The following NEB variants were observed in gnomAD, a reference collection of about 807,000 sequenced individuals.
The protein encoded by NEB is nemaline myopathy type 2.
A neutral mutation model predicts 952.2 loss-of-function variants in NEB; 512 were observed. The observed-to-expected ratio is 0.54, with a 90% confidence interval of 0.50 to 0.58. The LOEUF (loss-of-function observed/expected upper bound fraction) is 0.58. Among genes scored for constraint, NEB ranks in the 20% least tolerant of loss-of-function variants. NEB has a pLI of 0.00. For missense variants in NEB, 8,428 were observed against 9,231.1 expected (o/e 0.91, Z 3.56); for synonymous variants, 2,900 against 3,149.8 (o/e 0.92, Z 2.66).
In NEB at chr2:151,731,091, T is replaced by C. The variant is rs182079003; in HGVS notation, c.37-1435A>G. Reference sequence around the variant, plus strand: ...AAAACATCAGTGGCTTCAGAAGAAATATTAAAATAAAATGGAAGATTCACA... The same window carrying C: ...AAAACATCAGTGGCTTCAGAAGAAACATTAAAATAAAATGGAAGATTCACA... On this transcript the variant is annotated intron_variant, in intron 3 of 181. Transcript: ENST00000397345. 1.4e-3 allele frequency among the ~76,000 whole-genome samples: 211 copies of C among 152,282 alleles called. 1 individual carries two copies. The highest frequency in any genetic ancestry group is 5.0e-3 in the African/African-American group (208 of 41,564).
At chr2:151,630,351 C>G (rs1178673404) in intron 67 of NEB, among the ~76,000 whole-genome samples, 3 of 152,178 alleles carry the variant, frequency 2.0e-5, no homozygotes. Context: ...TTTACTCTCT[C>G]TGCCCTGGAA....
intron 63 of NEB, among the ~76,000 whole-genome samples, chr2:151,636,553 G>C (rs1277058744): frequency 2.0e-5 from 3 of 152,160 alleles, no homozygotes; most frequent in African/African-American, 7.2e-5. Context: ...GCAGAGGCGG[G>C]TGGATCACCT....
intron 46 of NEB, among the ~76,000 whole-genome samples, chr2:151,659,695 G>C (rs2099125461): frequency 6.6e-6 from 1 of 152,156 alleles, no homozygotes; most frequent in Non-Finnish European, 1.5e-5. Flanking sequence ...TTATCTTACA[G>C]CATGAAGGTA....
rs567012454 is a variant in NEB, at chr2:151,730,915, G to A, written c.37-1259C>T. ...TAAAATCTAATTCTGCCTGTATGTC[G>A]TTACACATAGCAACAAAAATCACAA... is the stretch of plus-strand genomic sequence containing the variant. On this transcript the variant is annotated intron_variant, in intron 3 of 181. Coordinates refer to ENST00000397345, the MANE Select transcript of NEB (RefSeq NM_001164508.2). 9.2e-5 allele frequency among the ~76,000 whole-genome samples: 14 copies of A among 152,140 alleles called. No homozygotes were observed. In the South Asian group the frequency reaches 1.2e-3, roughly 14 times the overall value.
At chr2:151,724,234 G>A in intron 8 of NEB, 26 bp downstream of exon 8, 1 of 1,537,080 alleles carries the variant, frequency 6.5e-7, no homozygotes, top group African/African-American at 1.4e-5. Context: ...TAGGAAGACA[G>A]AAGTGGCAAT....
At chr2:151,693,091 G>A (rs2099571161) in intron 20 of NEB, among the ~76,000 whole-genome samples, 3 of 152,224 alleles carry the variant, frequency 2.0e-5, no homozygotes, top group African/African-American at 7.2e-5. Context: ...AGCACTTGGT[G>A]AAAACGCATT....
rs369449864 is a variant in NEB, at chr2:151,693,425, C to A, written c.1896+898G>T. ...CTTCCTGATGTTCTCCCGCCTCCCC[C>A]ACCCCCAGCCTCCAACAGTGTGTGT... On this transcript the variant is annotated intron_variant, in intron 20 of 181. Transcript: ENST00000397345. Among the ~76,000 whole-genome samples the A allele has an allele frequency of 2.9e-4, 44 of 152,080 alleles. No homozygotes were observed. In the East Asian group the frequency reaches 7.5e-3, roughly 26 times the overall value.
In NEB at chr2:151,636,277, C is replaced by T. The variant is rs192098032; in HGVS notation, c.9052G>A (p.Asp3018Asn). The T allele has an allele frequency of 7.5e-4, 1,214 of 1,610,202 alleles. 17 individuals are homozygous for T. The East Asian group carries it at 0.022, about 29-fold the overall frequency. The change falls in exon 64 of 182, where the codon GAC (aspartate) becomes AAC (asparagine). Residue 3018 changes from aspartate to asparagine, a missense_variant. Asp to Asn is a conservative substitution (Grantham distance 23, BLOSUM62 1). Transcript: ENST00000397345. The stretch of plus-strand genomic sequence containing the variant: ...TTGGCCGCCACGATGGGGATGGCGT[C>T]GCTTCGCAAGTCATAGCCTTTCTTC... The part of the protein sequence containing the change: ...AKKKGYDLRS[D>N]AIPIVAAKAS...
intron 54 of NEB, among the ~76,000 whole-genome samples, chr2:151,648,018 T>A (rs1315121404): frequency 6.6e-6 from 1 of 152,122 alleles, no homozygotes; most frequent in African/African-American, 2.4e-5. Flanking sequence ...TAATTTCTCA[T>A]ATAGATATAT....
rs2096341904 is a variant in NEB, at chr2:151,565,725, C to T, written c.18252G>A (p.Met6084Ile). ...DHVRVTKNQE[M>I]MSQIKYKKNA... ...AATAGGCTTTGCGTACCTGACTCAT[C>T]ATTTCCTGGTTCTTAGTAACCCTTA... The change falls in exon 115 of 182, where the codon ATG becomes ATA. Residue 6084 changes from methionine (M) to isoleucine (I), a missense_variant. Around this residue, in one of 11 missense-constraint regions of NEB, gnomAD observed 3,374 missense variants for 3,651.5 expected, o/e 0.92. Transcript: ENST00000397345. 2 of 1,611,762 alleles carry T rather than the reference C, an allele frequency of 1.2e-6. No homozygotes were observed. The highest frequency in any genetic ancestry group is 1.3e-5 in the African/African-American group (1 of 74,890).
chr2:151,581,400 G>A, intron 103 of NEB, 83 bp downstream of exon 103: 1 of 393,468 alleles, frequency 2.5e-6, no homozygotes, highest in Non-Finnish European at 4.3e-6. Flanking sequence ...AATGCCTTTT[G>A]ACAAACTCTC....
chr2:151,687,928 A>T (rs190099660), intron 25 of NEB, among the ~76,000 whole-genome samples, 195 bp from the exon 26 acceptor site: 1 of 152,204 alleles, frequency 6.6e-6, no homozygotes, highest in Non-Finnish European at 1.5e-5. Context: ...AGTATCAACT[A>T]CTCTTTTTAA....
chr2:151,673,831 T>C lies in NEB; in HGVS notation c.3987+646A>G, dbSNP rs2099330051. Among the ~76,000 whole-genome samples, 2 of 151,142 alleles carry C rather than the reference T, an allele frequency of 1.3e-5. 1 individual carries two copies. Among genetic ancestry groups the C allele is most frequent in the South Asian group, 4.2e-4 (2 of 4,742 alleles). On this transcript the variant is annotated intron_variant, in intron 36 of 181. Transcript: ENST00000397345. Reference sequence around the variant, plus strand: ...TCACTGCAAGCTCCGCCTCCCGGGTTCACGCCATTCTCGGGCCTCAGCCTC... The same window carrying C: ...TCACTGCAAGCTCCGCCTCCCGGGTCCACGCCATTCTCGGGCCTCAGCCTC...
chr2:151,549,654 G>T lies in NEB; in HGVS notation c.20031C>A (p.Thr6677=), dbSNP rs2095137030. Residue 6677 remains threonine, a synonymous_variant, in exon 130 of 182, where the codon ACC becomes ACA. Transcript: ENST00000397345. The part of the protein sequence containing the change: ...DTPHFKHIKD[T]RYMSSYFKYK... The stretch of plus-strand genomic sequence containing the variant: ...CACTCACATAACTGCTCATGTAACG[G>T]GTGTCCTTGATGTGTTTGAAGTGAG... 1 of 1,598,618 alleles carries T rather than the reference G, an allele frequency of 6.3e-7. No individual in the cohort carries two copies.
intron 117 of NEB, 79 bp from the exon 118 acceptor site, chr2:151,564,009 A>G: frequency 2.8e-6 from 3 of 1,053,730 alleles, no homozygotes; most frequent in Non-Finnish European, 2.8e-6. Flanking sequence ...GGTCTAATTA[A>G]GGTGAAACAT....
intron 30 of NEB, 45 bp downstream of exon 30, chr2:151,680,685 G>T: frequency 7.5e-7 from 1 of 1,332,204 alleles, no homozygotes; most frequent in Non-Finnish European, 1.1e-6. Flanking sequence ...AAATGTATTT[G>T]TATTAGTTAA....
rs747230092 is a variant in NEB, at chr2:151,697,326, TCAAA to T, written c.1365+20_1365+23del. 8.7e-6 allele frequency: 14 copies of T among 1,610,568 alleles called. No homozygotes were observed. The African/African-American group carries it at 1.7e-4, about 20-fold the overall frequency. ...CCTGAGAAAAATGTTATTTGGAAAG[TCAAA>T]CAATTGTCTTAGAACTTACATCACT... On this transcript the variant is annotated intron_variant, in intron 15 of 181. Transcript: ENST00000397345.
intron 13 of NEB, 54 bp from the exon 14 acceptor site, chr2:151,697,702 T>C (rs114323121): frequency 0.01 from 11,056 of 1,075,290 alleles, 93 homozygotes; most frequent in Non-Finnish European, 0.011. Context: ...CCCACGCTGA[T>C]TATAACACTT....
intron 124 of NEB, among the ~76,000 whole-genome samples, chr2:151,555,890 TACACAC>T (rs967694604): frequency 2.7e-5 from 4 of 149,138 alleles, no homozygotes; most frequent in African/African-American, 9.8e-5. Flanking sequence ...AAAAAACACA[TACACAC>T]ACACAAAACT....
Sources: gnomAD v4.1 joint callset for allele counts (sites outside exome capture counted in the v4.1 genomes callset) on GRCh38, gnomAD v4.1.1 for gene constraint, gnomAD v4.1.1 regional missense constraint, MANE v1.5 for transcripts, NCBI Gene and HGNC (gene_info 2026-07-23, HGNC 2026-07-21) for gene names.